FHIP1A: variants seen among roughly 807,000 people sequenced by gnomAD.
FHIP1A encodes FHF complex subunit HOOK-interacting protein 1A.
A neutral mutation model predicts 88.6 loss-of-function variants in FHIP1A; 61 were observed. The observed-to-expected ratio is 0.69, with a 90% CI of 0.56 to 0.85. The LOEUF is 0.85. FHIP1A is among the 40% of genes least tolerant of loss of function. The probability of loss-of-function intolerance (pLI) is 0.00; values close to 1 mark genes in which losing one functional copy is unlikely to be tolerated. For missense variants in FHIP1A, 1,154 were observed against 1,273.5 expected (o/e 0.91, Z 1.43); for synonymous variants, 478 against 496.0 (o/e 0.96, Z 0.48).
chr4:151,599,044 A>G (rs1322776552), intron 7 of FHIP1A, among the ~76,000 whole-genome samples: 3 of 152,204 alleles, frequency 2.0e-5, no homozygotes, highest in East Asian at 1.9e-4. Context: ...TTGCATTCCA[A>G]AATACACATG....
chr4:151,512,891 C>T (rs1486122705), intron 3 of FHIP1A, among the ~76,000 whole-genome samples: 1 of 152,150 alleles, frequency 6.6e-6, no homozygotes, highest in Non-Finnish European at 1.5e-5. Flanking sequence ...GGATATTATC[C>T]AGGAGAGCTT....
chr4:151,505,424 G>C (rs1480654991), intron 3 of FHIP1A, among the ~76,000 whole-genome samples: 1 of 152,114 alleles, frequency 6.6e-6, no homozygotes, highest in African/African-American at 2.4e-5. Context: ...AAAACATTCA[G>C]GACACCCATA....
At chr4:151,553,883 G>T (rs1398436815) in intron 3 of FHIP1A, among the ~76,000 whole-genome samples, 3 of 152,172 alleles carry the variant, frequency 2.0e-5, no homozygotes, top group Non-Finnish European at 4.4e-5. Flanking sequence ...TGAACTGCAG[G>T]AAATCACATC....
chr4:151,527,159 A>G (rs1246427633), intron 3 of FHIP1A, among the ~76,000 whole-genome samples: 5 of 152,154 alleles, frequency 3.3e-5, no homozygotes, highest in African/African-American at 1.2e-4. Flanking sequence ...GCACCCTGGG[A>G]GGCCAAGGCA....
rs187629422 is a variant in FHIP1A at position 151,532,109 on chromosome 4, C to G, written c.-122-34029C>G. Among the ~76,000 whole-genome samples, 542 of 152,224 alleles carry G rather than the reference C, an allele frequency of 3.6e-3. 1 individual carries two copies. The highest frequency in any genetic ancestry group is 0.01 in the Middle Eastern group (3 of 294). On this transcript the variant is annotated intron_variant, in intron 3 of 13. Transcript: ENST00000435205. ...CAGAAGTTGAGTAGCTACATGACAGCTCTGCTGTTGTTTGGTCTATATCGT... is the reference window on the plus strand; with the variant it reads ...CAGAAGTTGAGTAGCTACATGACAGGTCTGCTGTTGTTTGGTCTATATCGT...
chr4:151,484,426 A>T (rs532955033), intron 3 of FHIP1A, among the ~76,000 whole-genome samples: 1 of 152,326 alleles, frequency 6.6e-6, no homozygotes, highest in South Asian at 2.1e-4. Flanking sequence ...TGTGAAGAGT[A>T]CAAAAACAAA....
chr4:151,563,919 G>A (rs931694202), intron 3 of FHIP1A, among the ~76,000 whole-genome samples: 1 of 152,266 alleles, frequency 6.6e-6, no homozygotes, highest in African/African-American at 2.4e-5. Context: ...CTTGTGCCCA[G>A]GAGTTCAAGG....
At chr4:151,418,192 A>C (rs1314905128) in intron 1 of FHIP1A, among the ~76,000 whole-genome samples, 2 of 151,314 alleles carry the variant, frequency 1.3e-5, no homozygotes, top group African/African-American at 4.8e-5. Flanking sequence ...AAAAAAAAAA[A>C]AAACAAGAGA....
chr4:151,464,102 C>T (rs1729225874), intron 2 of FHIP1A, among the ~76,000 whole-genome samples: 1 of 152,110 alleles, frequency 6.6e-6, no homozygotes, highest in Non-Finnish European at 1.5e-5. Flanking sequence ...CCAGGCTGGA[C>T]TTGAACTCCC....
chr4:151,615,564 G>C (rs1735489285), intron 7 of FHIP1A, among the ~76,000 whole-genome samples: 1 of 152,152 alleles, frequency 6.6e-6, no homozygotes, highest in African/African-American at 2.4e-5. Flanking sequence ...CCTTTGGTGG[G>C]GATGGCAAGG....
rs1732685495 is a variant in FHIP1A, at chr4:151,412,380, A to G, written c.-356+2915A>G. Among the ~76,000 whole-genome samples the G allele has an allele frequency of 2.0e-5, 3 of 152,244 alleles. No individual in the cohort carries two copies. In the South Asian group the frequency reaches 6.2e-4, roughly 32 times the overall value. On this transcript the variant is annotated intron_variant, in intron 1 of 13. Transcript: ENST00000435205. ...CTCGGCCTCCCAAAGTGCTGGGATT[A>G]CAGGCGTGAGCCACTGTGTTCGGCC...
At chr4:151,528,697 T>C (rs186523687) in intron 3 of FHIP1A, among the ~76,000 whole-genome samples, 1 of 152,342 alleles carries the variant, frequency 6.6e-6, no homozygotes, top group East Asian at 1.9e-4. Context: ...GTTTTTTCAC[T>C]GTTGTCGTTT....
At chr4:151,603,570 G>T (rs1291956885) in intron 7 of FHIP1A, among the ~76,000 whole-genome samples, 1 of 152,066 alleles carries the variant, frequency 6.6e-6, no homozygotes, top group Non-Finnish European at 1.5e-5. Context: ...AAAAGCTCTG[G>T]GGCTGAGTAT....
At chr4:151,508,009 G>C (rs777960475) in intron 3 of FHIP1A, among the ~76,000 whole-genome samples, 1 of 152,202 alleles carries the variant, frequency 6.6e-6, no homozygotes, top group Non-Finnish European at 1.5e-5. Flanking sequence ...AATGAAAACT[G>C]AAGAGGCTAT....
rs1377477207 is a variant in FHIP1A at position 151,531,338 on chromosome 4, A to G, written c.-122-34800A>G. Reference sequence around the variant, plus strand: ...CACACTTTCATTGGATCAGGTTCCAATTGTTGAGGTGGAGGGGCCTTCTGT... The same window carrying G: ...CACACTTTCATTGGATCAGGTTCCAGTTGTTGAGGTGGAGGGGCCTTCTGT... On this transcript the variant is annotated intron_variant, in intron 3 of 13. Coordinates refer to ENST00000435205, the MANE Select transcript of FHIP1A (RefSeq NM_001109977.3). 3.3e-5 allele frequency among the ~76,000 whole-genome samples: 5 copies of G among 151,932 alleles called. No homozygotes were observed. In the East Asian group the frequency reaches 5.8e-4, roughly 18 times the overall value.
At chr4:151,524,877 ACTTGAGG>A (rs2126700663) in intron 3 of FHIP1A, among the ~76,000 whole-genome samples, 1 of 152,304 alleles carries the variant, frequency 6.6e-6, no homozygotes, top group African/African-American at 2.4e-5. Context: ...ACATGTAGAA[ACTTGAGG>A]CTCTTTGGTT....
chr4:151,560,575 T>C (rs1014502411), intron 3 of FHIP1A, among the ~76,000 whole-genome samples: 4 of 152,110 alleles, frequency 2.6e-5, no homozygotes, highest in Non-Finnish European at 4.4e-5. Flanking sequence ...TTAGTCAACT[T>C]TTAGGGTTTT....
intron 7 of FHIP1A, among the ~76,000 whole-genome samples, chr4:151,596,035 T>C (rs1480123962): frequency 6.6e-6 from 1 of 152,226 alleles, no homozygotes; most frequent in African/African-American, 2.4e-5. Flanking sequence ...TTAAGGTTAA[T>C]ATTTGTTATG....
At chr4:151,479,888 T>C (rs1057180478) in intron 2 of FHIP1A, among the ~76,000 whole-genome samples, 1 of 152,084 alleles carries the variant, frequency 6.6e-6, no homozygotes, top group African/African-American at 2.4e-5. Flanking sequence ...TTTGTTCCTT[T>C]GTTGAAATTA....
Sources: gnomAD v4.1 joint callset for allele counts (sites outside exome capture counted in the v4.1 genomes callset) on GRCh38, gnomAD v4.1.1 for gene constraint, MANE v1.5 for transcripts, NCBI Gene and HGNC (gene_info 2026-07-23, HGNC 2026-07-21) for gene names.